ITPKB: variants seen among roughly 807,000 people sequenced by gnomAD.
The protein encoded by ITPKB is IP3 3-kinase B.
ITPKB carries 13 observed loss-of-function variants against 69.4 expected under a neutral mutation model. The observed-to-expected ratio is 0.19, with a 90% CI of 0.12 to 0.30. The LOEUF (loss-of-function observed/expected upper bound fraction) is 0.30, where lower values mean the gene tolerates loss of function less well. ITPKB is among the 10% of genes least tolerant of loss of function. ITPKB has a pLI of 1.00. For missense variants in ITPKB, 1,240 were observed against 1,250.5 expected, an observed-to-expected ratio of 0.99 and a Z score of 0.13; for synonymous variants, 584 against 513.7, an observed-to-expected ratio of 1.14 and a Z score of -1.85.
intron 2 of ITPKB, among the ~76,000 whole-genome samples, chr1:226,686,624 G>A (rs894784307): frequency 3.9e-5 from 6 of 152,262 alleles, no homozygotes; most frequent in African/African-American, 7.2e-5. Flanking sequence ...ATAACACAAC[G>A]TAAAACTCAT....
intron 2 of ITPKB, among the ~76,000 whole-genome samples, chr1:226,682,479 G>A (rs1379126736): frequency 6.6e-6 from 1 of 152,190 alleles, no homozygotes; most frequent in Non-Finnish European, 1.5e-5. Flanking sequence ...TGCCCACCAT[G>A]TGACCTGGGT....
rs1206942889 is a variant in ITPKB, at chr1:226,641,571, A to G, written c.2451+350T>C. On this transcript the variant is annotated intron_variant, in intron 5 of 7. Transcript: ENST00000429204. This position sits in a 1 kb window ranked among gnomAD's most constrained non-coding sequence, Gnocchi z 4.6. ...CTTCCCCGAATTGTCTGCCAGTCCC[A>G]GTTTGCAGCCATGGCAGAATGAACC... Among the ~76,000 whole-genome samples the G allele has an allele frequency of 6.6e-6, 1 of 152,228 alleles. No individual in the cohort carries two copies. Among genetic ancestry groups the G allele is most frequent in the Non-Finnish European group, 1.5e-5 (1 of 68,046 alleles).
At chr1:226,699,456 T>C (rs1380638770) in intron 2 of ITPKB, among the ~76,000 whole-genome samples, 1 of 152,244 alleles carries the variant, frequency 6.6e-6, no homozygotes, top group African/African-American at 2.4e-5. Flanking sequence ...GTTCACATAC[T>C]AGAATTTTCT....
chr1:226,697,813 A>G (rs1656530143), intron 2 of ITPKB, among the ~76,000 whole-genome samples: 1 of 152,182 alleles, frequency 6.6e-6, no homozygotes, highest in Non-Finnish European at 1.5e-5. Flanking sequence ...TGCCCTAGGA[A>G]CACCACAGTT....
At chr1:226,683,407 C>G (rs1656130638) in intron 2 of ITPKB, among the ~76,000 whole-genome samples, 1 of 152,172 alleles carries the variant, frequency 6.6e-6, no homozygotes, top group Non-Finnish European at 1.5e-5. Context: ...CTAAGATGAC[C>G]TGGATTCATC....
At chr1:226,657,163 G>C (rs1261988723) in intron 2 of ITPKB, 3 of 152,220 alleles carry the variant, frequency 2.0e-5, no homozygotes, top group African/African-American at 7.2e-5. Context: ...CTTGGAAAGA[G>C]TCAGAGCCCA....
At chr1:226,685,301 C>G (rs1656181370) in intron 2 of ITPKB, among the ~76,000 whole-genome samples, 1 of 152,178 alleles carries the variant, frequency 6.6e-6, no homozygotes, top group Non-Finnish European at 1.5e-5. Flanking sequence ...TGTTCAGCAC[C>G]CTGGCTCCAC....
Position 226,738,885 on chromosome 1 carries a change from T to A in ITPKB, c.-206+156A>T, listed in dbSNP as rs1207326900. 6.6e-6 allele frequency among the ~76,000 whole-genome samples: 1 copy of A among 152,118 alleles called. No individual in the cohort carries two copies. The highest frequency in any genetic ancestry group is 6.5e-5 in the Admixed American group (1 of 15,280). On this transcript the variant is annotated intron_variant, in intron 1 of 7. Coordinates refer to ENST00000429204, the MANE Select transcript of ITPKB (RefSeq NM_002221.4). The surrounding 1 kb of genome is among the most constrained non-coding windows in gnomAD (Gnocchi z 4.2). ...CTATTTTCTCCCCACCGCCACTCCA[T>A]GTCACCCTCCAAAATCAAACCCCCT...
intron 5 of ITPKB, among the ~76,000 whole-genome samples, chr1:226,640,078 C>T (rs1269759330): frequency 6.6e-6 from 1 of 152,192 alleles, no homozygotes; most frequent in Non-Finnish European, 1.5e-5. Context: ...CCGCCAGAGG[C>T]ACCTCCCCTC....
chr1:226,632,643 C>T lies in ITPKB; in HGVS notation c.*2028G>A, dbSNP rs1668750728. 6.6e-6 allele frequency: 1 copy of T among 152,642 alleles called. No individual in the cohort carries two copies. The highest frequency in any genetic ancestry group is 2.4e-5 in the African/African-American group (1 of 41,458). 9.5% of individuals were successfully genotyped at this position (152,642 alleles called of 1,614,324 possible). A position where few individuals can be genotyped will look rare whatever the true frequency, so the allele number is the denominator to read the frequency against. ...ATTGCCAATAAGAGGCCCCATGGGC[C>T]TCCTTTAATAAGCACATCATTTGCA... On this transcript the variant is annotated 3_prime_UTR_variant, in exon 8 of 8. Transcript: ENST00000429204.
chr1:226,700,465 C>CAAAAAAA (rs58320585), intron 2 of ITPKB, among the ~76,000 whole-genome samples: 8 of 53,960 alleles, frequency 1.5e-4, no homozygotes, highest in African/African-American at 6.9e-4. Context: ...AAGACTCCGT[C>CAAAAAAA]AAAAAAAAAA....
At chr1:226,650,065 G>C (rs1669155740) in intron 2 of ITPKB, among the ~76,000 whole-genome samples, 1 of 152,150 alleles carries the variant, frequency 6.6e-6, no homozygotes, top group African/African-American at 2.4e-5. Flanking sequence ...GAGGAGATGA[G>C]GGTGGTACTG....
At chr1:226,659,704 C>G (rs1401748503) in intron 2 of ITPKB, 1 of 152,014 alleles carries the variant, frequency 6.6e-6, no homozygotes, top group Admixed American at 6.5e-5. Context: ...AGCTTCCCAG[C>G]AGGGCACCTG....
At chr1:226,667,863 C>T (rs955809397) in intron 2 of ITPKB, among the ~76,000 whole-genome samples, 14 of 111,144 alleles carry the variant, frequency 1.3e-4, no homozygotes, top group Middle Eastern at 6.0e-3. Flanking sequence ...TGCGCGCGCG[C>T]GTGCGAAGTG....
chr1:226,736,135 T>C lies in ITPKB; in HGVS notation c.1324A>G (p.Arg442Gly), dbSNP rs1657749088. ...AGCGTTGGGGACCCTCCCTCCACTC[T>C]GTCGGAGAGCTGCCAACGCCCCCCG... The part of the protein sequence containing the change: ...VGGGRWQLSD[R>G]VEGGSPTLGL... Residue 442 changes from arginine to glycine, a missense_variant, in exon 2 of 8, where the codon AGA (arginine) becomes GGA (glycine). This residue lies in a region of ITPKB where 992 missense variants were observed against 853.8 expected (regional missense o/e 1.16). Transcript: ENST00000429204. The C allele has an allele frequency of 1.3e-6, 2 of 1,581,276 alleles. No individual in the cohort carries two copies. Among genetic ancestry groups the C allele is most frequent in the Non-Finnish European group, 1.7e-6 (2 of 1,162,580 alleles).
intron 2 of ITPKB, among the ~76,000 whole-genome samples, chr1:226,649,555 A>G (rs150323135): frequency 4.0e-4 from 59 of 147,572 alleles, no homozygotes; most frequent in African/African-American, 1.4e-3. Flanking sequence ...CGTGTGTGAT[A>G]TGCACATATG....
At chr1:226,711,999 C>T (rs1364588863) in intron 2 of ITPKB, among the ~76,000 whole-genome samples, 2 of 152,206 alleles carry the variant, frequency 1.3e-5, no homozygotes, top group Admixed American at 6.5e-5. Context: ...TCTCAGAAGG[C>T]GTCCCTCACC....
At chr1:226,732,111 A>G (rs1657606295) in intron 2 of ITPKB, among the ~76,000 whole-genome samples, 1 of 151,772 alleles carries the variant, frequency 6.6e-6, no homozygotes, top group South Asian at 2.1e-4. Context: ...TCAAAAAAAA[A>G]AAAAAAAAAA....
chr1:226,722,169 TAC>T (rs1157259698), intron 2 of ITPKB, among the ~76,000 whole-genome samples: 1 of 152,200 alleles, frequency 6.6e-6, no homozygotes, highest in African/African-American at 2.4e-5. Context: ...GTTCCCAAAC[TAC>T]AGTCAGAGGC....
Sources: allele counts gnomAD v4.1 joint callset (sites outside exome capture counted in the v4.1 genomes callset), GRCh38; gene constraint gnomAD v4.1.1; regional missense constraint gnomAD v4.1.1; non-coding constraint Gnocchi (gnomAD v3.1); transcripts MANE v1.5; gene names NCBI Gene and HGNC (gene_info 2026-07-23, HGNC 2026-07-21).